The following PTPN12 variants were observed in gnomAD, a reference collection of about 807,000 sequenced individuals.
The protein encoded by PTPN12 is tyrosine-protein phosphatase non-receptor type 12.
PTPN12 carries 29 observed loss-of-function variants against 97.6 expected under a neutral mutation model. The ratio of observed to expected loss-of-function variants is 0.30; its 90% confidence interval spans 0.22 to 0.41. The LOEUF is 0.41. Among genes scored for constraint, PTPN12 ranks in the 10% least tolerant of loss-of-function variants. The probability of loss-of-function intolerance (pLI) is 1.00; values close to 1 mark genes in which losing one functional copy is unlikely to be tolerated. For synonymous variants in PTPN12, 327 were observed against 300.4 expected (o/e 1.09, Z -0.91); for missense variants, 819 against 926.0 (o/e 0.88, Z 1.50).
At chr7:77,558,898 A>G (rs536015973) in intron 1 of PTPN12, among the ~76,000 whole-genome samples, 1 of 152,238 alleles carries the variant, frequency 6.6e-6, no homozygotes, top group East Asian at 1.9e-4. Context: ...GTGTAGTCTT[A>G]GCTACTTTGG....
chr7:77,584,734 G>T (rs996578129), intron 4 of PTPN12, among the ~76,000 whole-genome samples: 1 of 152,074 alleles, frequency 6.6e-6, no homozygotes, highest in African/African-American at 2.4e-5. Context: ...AAAATTAGCT[G>T]GACGTGGTGG....
chr7:77,588,210 A>G (rs1787753891), intron 5 of PTPN12, among the ~76,000 whole-genome samples: 1 of 152,208 alleles, frequency 6.6e-6, no homozygotes, highest in Admixed American at 6.5e-5. Context: ...TGCCTTCTTT[A>G]CTAAGCTTAA....
intron 12 of PTPN12, among the ~76,000 whole-genome samples, chr7:77,622,771 C>CA (rs796092829): frequency 1.1e-4 from 15 of 141,766 alleles, no homozygotes; most frequent in South Asian, 4.4e-4. Flanking sequence ...ACTCTTGTCT[C>CA]AAAAAAAAAG....
At chr7:77,633,127 A>C (rs1479337784) in intron 14 of PTPN12, among the ~76,000 whole-genome samples, 1 of 151,782 alleles carries the variant, frequency 6.6e-6, no homozygotes, top group Admixed American at 6.6e-5. Context: ...AAAATTAGCC[A>C]GGCGTGGTGG....
chr7:77,591,758 C>G (rs1274124110), intron 5 of PTPN12, among the ~76,000 whole-genome samples: 1 of 152,206 alleles, frequency 6.6e-6, no homozygotes, highest in African/African-American at 2.4e-5. Flanking sequence ...ATTCTTTCCA[C>G]TTCATCACAT....
At chr7:77,607,532 A>G (rs1240345797) in intron 9 of PTPN12, among the ~76,000 whole-genome samples, 1 of 152,246 alleles carries the variant, frequency 6.6e-6, no homozygotes, top group Non-Finnish European at 1.5e-5. Context: ...CTGGGGCTCG[A>G]GACCAGCCTG....
chr7:77,599,623 A>T (rs1333703403), intron 7 of PTPN12, among the ~76,000 whole-genome samples: 3 of 152,146 alleles, frequency 2.0e-5, no homozygotes, highest in Non-Finnish European at 4.4e-5. Flanking sequence ...CTACGGTAAT[A>T]ATAATAAGTA....
At chr7:77,541,756 G>A (rs759068917) in intron 1 of PTPN12, among the ~76,000 whole-genome samples, 7 of 152,160 alleles carry the variant, frequency 4.6e-5, no homozygotes, top group African/African-American at 1.2e-4. Flanking sequence ...TTCTATGAGT[G>A]TCTATTCCTG....
intron 14 of PTPN12, among the ~76,000 whole-genome samples, chr7:77,635,558 ATTTAC>A (rs1382016075): frequency 6.6e-6 from 1 of 152,108 alleles, no homozygotes; most frequent in African/African-American, 2.4e-5. Flanking sequence ...GACTGAATTT[ATTTAC>A]TTAGGTTTTG....
rs558498967 is a variant in PTPN12 at position 77,537,480 on chromosome 7, G to C, written c.-67G>C. 66 of 1,494,806 alleles carry C rather than the reference G, an allele frequency of 4.4e-5. No individual in the cohort carries two copies. The highest frequency in any genetic ancestry group is 2.4e-4 in the Middle Eastern group (1 of 4,238). The allele number at this position is 1,494,806 out of a possible 1,614,324, so 92.6% of individuals were successfully genotyped here. On this transcript the variant is annotated 5_prime_UTR_variant, in exon 1 of 18. Coordinates refer to ENST00000248594, the MANE Select transcript of PTPN12 (RefSeq NM_002835.4). ...GGGGGAACGAGCTGGGGAAGACGGA[G>C]CGGGCTCTGTGCCGGGCGGGCGGGC...
chr7:77,559,387 T>G (rs993598318), intron 1 of PTPN12, among the ~76,000 whole-genome samples: 1 of 152,228 alleles, frequency 6.6e-6, no homozygotes, highest in South Asian at 2.1e-4. Context: ...TCAGTTGATA[T>G]GCTGAGTTTT....
intron 12 of PTPN12, among the ~76,000 whole-genome samples, chr7:77,624,486 C>T (rs987299391): frequency 1.3e-5 from 2 of 151,984 alleles, no homozygotes; most frequent in Non-Finnish European, 2.9e-5. Flanking sequence ...GTCACCTAGG[C>T]TGGAGTGCAG....
At chr7:77,568,761 C>T (rs993653504) in intron 1 of PTPN12, among the ~76,000 whole-genome samples, 5 of 152,198 alleles carry the variant, frequency 3.3e-5, no homozygotes, top group Admixed American at 6.5e-5. Context: ...AATTTTTTCT[C>T]GCTGACATTG....
chr7:77,590,109 G>A (rs769385037), intron 5 of PTPN12, among the ~76,000 whole-genome samples: 37 of 152,200 alleles, frequency 2.4e-4, no homozygotes, highest in Non-Finnish European at 4.0e-4. Flanking sequence ...CCATGGTGCA[G>A]TACAGTTCAC....
At chr7:77,611,565 C>T (rs974029286) in intron 11 of PTPN12, among the ~76,000 whole-genome samples, 1 of 152,206 alleles carries the variant, frequency 6.6e-6, no homozygotes. Context: ...CTGCCTCAGC[C>T]TCCTGAGTAG....
chr7:77,595,992 A>G (rs1009556356), intron 6 of PTPN12, among the ~76,000 whole-genome samples: 1 of 152,294 alleles, frequency 6.6e-6, no homozygotes. Flanking sequence ...TTCAGTTGCT[A>G]TCCAGTTAAT....
rs376113683 is a variant in PTPN12, at chr7:77,610,897, T to A, written c.841-51T>A. 42 of 1,583,708 alleles carry A rather than the reference T, an allele frequency of 2.7e-5. No homozygotes were observed. In the East Asian group the frequency reaches 2.9e-4, roughly 11 times the overall value. On this transcript the variant is annotated intron_variant, in intron 10 of 17. Transcript: ENST00000248594. ...GCTATTTTATAAATGCTTTCTTCTT[T>A]TTTAAAATGTTGTTTTCATTTTGTT...
chr7:77,551,333 T>C (rs1177870905), intron 1 of PTPN12, among the ~76,000 whole-genome samples: 1 of 152,240 alleles, frequency 6.6e-6, no homozygotes, highest in African/African-American at 2.4e-5. Flanking sequence ...AGTGCTGAGA[T>C]TACAGGCATG....
At chr7:77,581,292 T>C in intron 2 of PTPN12, 135 bp from the exon 3 acceptor site, 1 of 478,326 alleles carries the variant, frequency 2.1e-6, no homozygotes, top group Non-Finnish European at 3.7e-6. Context: ...ATTACCCTGC[T>C]GGTACCTAGA....
Sources: allele counts gnomAD v4.1 joint callset (sites outside exome capture counted in the v4.1 genomes callset), GRCh38; gene constraint gnomAD v4.1.1; transcripts MANE v1.5; gene names NCBI Gene and HGNC (gene_info 2026-07-23, HGNC 2026-07-21).